TMPRSS12: variants seen among roughly 807,000 people sequenced by gnomAD.
TMPRSS12 encodes transmembrane protease serine 12.
A neutral mutation model predicts 26.0 loss-of-function variants in TMPRSS12; 25 were observed. That is an observed-to-expected ratio of 0.96 (90% CI 0.70 to 1.34). The LOEUF is 1.34. Among genes scored for constraint, TMPRSS12 ranks in the 40% most tolerant of loss-of-function variants. TMPRSS12 has a pLI of 0.00. For synonymous variants in TMPRSS12, 150 were observed against 161.7 expected (o/e 0.93, Z 0.55); for missense variants, 441 against 440.1 (o/e 1.00, Z -0.02).
chr12:50,858,519 C>A (rs896020845), intron 2 of TMPRSS12, among the ~76,000 whole-genome samples: 2 of 152,108 alleles, frequency 1.3e-5, no homozygotes, highest in African/African-American at 2.4e-5. Flanking sequence ...TTGAATAATT[C>A]ATTCTTTTGT....
intron 2 of TMPRSS12, among the ~76,000 whole-genome samples, chr12:50,850,676 C>G (rs975275013): frequency 4.6e-5 from 7 of 152,252 alleles, no homozygotes; most frequent in African/African-American, 1.7e-4. Context: ...CTCCACTGCA[C>G]TTCCACCACC....
chr12:50,857,744 C>T (rs557331044), intron 2 of TMPRSS12, among the ~76,000 whole-genome samples: 1 of 151,940 alleles, frequency 6.6e-6, no homozygotes, highest in Admixed American at 6.6e-5. Flanking sequence ...TCCTTTCTTG[C>T]GTCAATGTTA....
At chr12:50,864,987 A>C (rs1435179342) in intron 3 of TMPRSS12, among the ~76,000 whole-genome samples, 1 of 152,208 alleles carries the variant, frequency 6.6e-6, no homozygotes, top group Non-Finnish European at 1.5e-5. Flanking sequence ...ATTTAGAAGG[A>C]CTAGGCACTA....
At chr12:50,874,178 C>A (rs911513870) in intron 3 of TMPRSS12, among the ~76,000 whole-genome samples, 1 of 152,066 alleles carries the variant, frequency 6.6e-6, no homozygotes, top group Non-Finnish European at 1.5e-5. Flanking sequence ...TCTAATATTA[C>A]ACACTCAGAA....
chr12:50,860,438 G>A (rs1000509737), intron 3 of TMPRSS12, among the ~76,000 whole-genome samples: 2 of 151,918 alleles, frequency 1.3e-5, no homozygotes, highest in African/African-American at 4.8e-5. Flanking sequence ...TTTTAGAGAT[G>A]GGGGTCTCAC....
chr12:50,854,182 AAAACAG>A (rs1429708248), intron 2 of TMPRSS12, among the ~76,000 whole-genome samples: 39 of 152,226 alleles, frequency 2.6e-4, no homozygotes, highest in Middle Eastern at 3.4e-3. Context: ...ATGCTGGACT[AAAACAG>A]AACTAAACAA....
chr12:50,874,204 A>T lies in TMPRSS12; in HGVS notation c.653-11042A>T, dbSNP rs1448359928. ...ACACTCAGAAAATAGAGAAGGGAGTATTTCCCAGATAATTATATAAGCCTA... is the reference window on the plus strand; with the variant it reads ...ACACTCAGAAAATAGAGAAGGGAGTTTTTCCCAGATAATTATATAAGCCTA... On this transcript the variant is annotated intron_variant, in intron 3 of 4. Transcript: ENST00000398458. Among the ~76,000 whole-genome samples the T allele has an allele frequency of 2.6e-5, 4 of 152,284 alleles. No homozygotes were observed. In the East Asian group the frequency reaches 7.7e-4, roughly 29 times the overall value.
chr12:50,858,053 A>T (rs1937898409), intron 2 of TMPRSS12, among the ~76,000 whole-genome samples: 1 of 152,178 alleles, frequency 6.6e-6, no homozygotes, highest in African/African-American at 2.4e-5. Flanking sequence ...CATGTTAGCC[A>T]GGATGGTCTC....
chr12:50,875,167 C>T (rs1938101045), intron 3 of TMPRSS12, among the ~76,000 whole-genome samples: 1 of 152,104 alleles, frequency 6.6e-6, no homozygotes, highest in South Asian at 2.1e-4. Context: ...CTGGAAGCAT[C>T]ACATTACCCA....
At chr12:50,848,157 G>A (rs139433553) in intron 2 of TMPRSS12, 3 of 141,432 alleles carry the variant, frequency 2.1e-5, no homozygotes, top group South Asian at 4.8e-4. Flanking sequence ...TATTTTGAAG[G>A]CCCCTTTATC....
intron 3 of TMPRSS12, among the ~76,000 whole-genome samples, chr12:50,860,207 G>C (rs1253333168): frequency 2.0e-5 from 3 of 152,146 alleles, no homozygotes. Flanking sequence ...ATCATATTTA[G>C]TTTCCTTTTA....
At chr12:50,878,636 G>C (rs1180766970) in intron 3 of TMPRSS12, among the ~76,000 whole-genome samples, 3 of 151,936 alleles carry the variant, frequency 2.0e-5, no homozygotes, top group African/African-American at 7.3e-5. Flanking sequence ...ACAACATGGA[G>C]GGGGAAAAAA....
intron 3 of TMPRSS12, among the ~76,000 whole-genome samples, chr12:50,866,716 C>A (rs932147630): frequency 6.6e-6 from 1 of 152,168 alleles, no homozygotes; most frequent in African/African-American, 2.4e-5. Context: ...TAAGAACCTT[C>A]ACAGAGTCCA....
At chr12:50,861,389 CT>C (rs10607636) in intron 3 of TMPRSS12, among the ~76,000 whole-genome samples, 11,953 of 150,782 alleles carry the variant, frequency 0.079, 517 homozygotes, top group Middle Eastern at 0.12. Context: ...TATTATTTTT[CT>C]TTTTTTTTTT....
intron 2 of TMPRSS12, among the ~76,000 whole-genome samples, chr12:50,852,421 A>T (rs1431961536): frequency 6.6e-6 from 1 of 152,118 alleles, no homozygotes; most frequent in East Asian, 1.9e-4. Context: ...GACTTTATTT[A>T]TTTTTTTGAG....
intron 2 of TMPRSS12, among the ~76,000 whole-genome samples, chr12:50,852,626 G>A (rs763378830): frequency 3.3e-5 from 5 of 152,096 alleles, no homozygotes; most frequent in Admixed American, 6.6e-5. Context: ...GATCAGGTTC[G>A]TCTTGAACTC....
intron 1 of TMPRSS12, 52 bp downstream of exon 1, chr12:50,843,203 C>A: frequency 6.9e-7 from 1 of 1,448,702 alleles, no homozygotes; most frequent in Non-Finnish European, 9.1e-7. Flanking sequence ...CTTTTCCCCA[C>A]CGCTATAGTC....
chr12:50,850,560 A>G (rs768500138), intron 2 of TMPRSS12, among the ~76,000 whole-genome samples: 2 of 152,154 alleles, frequency 1.3e-5, no homozygotes, highest in Non-Finnish European at 2.9e-5. Context: ...AGCCTGGGTG[A>G]CAAAGCAAAA....
intron 3 of TMPRSS12, among the ~76,000 whole-genome samples, chr12:50,875,489 C>CAGAAAAA: frequency 1.4e-5 from 1 of 69,500 alleles, no homozygotes; most frequent in Non-Finnish European, 2.6e-5. Context: ...GACTCCATCT[C>CAGAAAAA]AAAAAAAAAA....
Sources: allele counts gnomAD v4.1 joint callset (sites outside exome capture counted in the v4.1 genomes callset), GRCh38; gene constraint gnomAD v4.1.1; transcripts MANE v1.5; gene names NCBI Gene and HGNC (gene_info 2026-07-23, HGNC 2026-07-21).